Variants in WDPCP observed in about 807,000 individuals in gnomAD.
WDPCP encodes WD repeat-containing and planar cell polarity effector protein fritz homolog.
In WDPCP, 71 loss-of-function variants were observed where a neutral mutation model predicts 93.1. That is an observed-to-expected ratio of 0.76 (90% CI 0.63 to 0.93). The LOEUF is 0.93. WDPCP is among the 40% of genes least tolerant of loss of function. The pLI is 0.00. For missense variants in WDPCP, 844 were observed against 887.4 expected (o/e 0.95, Z 0.62); for synonymous variants, 315 against 315.0 (o/e 1.00, Z 0.00).
At chr2:63,661,488 G>T (rs1474215587) in intron 2 of WDPCP, among the ~76,000 whole-genome samples, 1 of 151,964 alleles carries the variant, frequency 6.6e-6, no homozygotes, top group African/African-American at 2.4e-5. Context: ...TACAATGCAT[G>T]GCAAAAAGTG....
At position 63,381,907 on chromosome 2, in the gene WDPCP, T is replaced by C; in HGVS notation, c.1623A>G (p.Glu541=). The C allele has an allele frequency of 6.2e-7, 1 of 1,613,196 alleles. No homozygotes were observed. Among genetic ancestry groups the C allele is most frequent in the Non-Finnish European group, 8.5e-7 (1 of 1,179,486 alleles). ...LLRQKLTPER[E]AQLETSLGTF... ...AATGAAAAATATTTCAAGTCTGACC[T>C]TCTCTCTCTGGAGTGAGCTTCTGTC... Residue 541 remains glutamate (E), a splice_region_variant and synonymous_variant, in exon 11 of 18, where the codon GAA becomes GAG. Transcript: ENST00000272321.
At chr2:63,547,805 G>A (rs1055630256) in intron 1 of WDPCP, among the ~76,000 whole-genome samples, 1 of 151,802 alleles carries the variant, frequency 6.6e-6, no homozygotes, top group Non-Finnish European at 1.5e-5. Context: ...GGTACCAGAG[G>A]CTGGGAAGGT....
chr2:63,562,275 A>C (rs1706684468), intron 1 of WDPCP, among the ~76,000 whole-genome samples: 2 of 152,184 alleles, frequency 1.3e-5, no homozygotes, highest in Admixed American at 1.3e-4. Context: ...AGGAACAGAA[A>C]ACCAAACACC....
At chr2:63,622,397 T>A in intron 3 of WDPCP, 1 of 1,613,586 alleles carries the variant, frequency 6.2e-7, no homozygotes, top group Non-Finnish European at 8.5e-7. Flanking sequence ...CAAGACCAAA[T>A]TCCTGGACAG....
intron 15 of WDPCP, among the ~76,000 whole-genome samples, chr2:63,163,910 CAAAT>C: frequency 6.6e-6 from 1 of 152,212 alleles, no homozygotes; most frequent in South Asian, 2.1e-4. Context: ...AGACATGAAT[CAAAT>C]AAAATCACGC....
At chr2:63,409,422 G>A (rs187257870) in intron 9 of WDPCP, among the ~76,000 whole-genome samples, 87 of 152,266 alleles carry the variant, frequency 5.7e-4, no homozygotes, top group Non-Finnish European at 1.0e-3. Flanking sequence ...TAGACCTTCC[G>A]TCTGACGGAG....
At chr2:63,419,816 C>G (rs1695710614) in intron 9 of WDPCP, among the ~76,000 whole-genome samples, 1 of 152,104 alleles carries the variant, frequency 6.6e-6, no homozygotes, top group South Asian at 2.1e-4. Context: ...AAAGAGTGGC[C>G]TTTTCTGGAA....
chr2:63,512,858 TCTGCACATGTATCCCAGAA>T (rs1280635964), intron 1 of WDPCP, among the ~76,000 whole-genome samples: 1 of 151,906 alleles, frequency 6.6e-6, no homozygotes, highest in Non-Finnish European at 1.5e-5. Flanking sequence ...AACCGCACGT[TCTGCACATGTATCCCAGAA>T]CTTAAAGTAT....
chr2:63,314,246 C>T (rs1559312618), intron 12 of WDPCP, among the ~76,000 whole-genome samples: 1 of 151,664 alleles, frequency 6.6e-6, no homozygotes, highest in Non-Finnish European at 1.5e-5. Context: ...GTGCAATCAT[C>T]GCCTTGACCT....
At chr2:63,140,352 G>T (rs1398530368) in intron 17 of WDPCP, among the ~76,000 whole-genome samples, 1 of 152,138 alleles carries the variant, frequency 6.6e-6, no homozygotes, top group African/African-American at 2.4e-5. Flanking sequence ...TGTGAAGAAT[G>T]ATGGTGGTAT....
At chr2:63,319,942 G>A (rs745595400) in intron 12 of WDPCP, among the ~76,000 whole-genome samples, 4 of 152,052 alleles carry the variant, frequency 2.6e-5, no homozygotes, top group Non-Finnish European at 5.9e-5. Context: ...AGCAATATAT[G>A]CACATGTACT....
intron 1 of WDPCP, among the ~76,000 whole-genome samples, chr2:63,568,994 G>T (rs1707282567): frequency 6.6e-6 from 1 of 152,248 alleles, no homozygotes; most frequent in Non-Finnish European, 1.5e-5. Context: ...ATTAAATGGG[G>T]AGGAAAGTCT....
upstream of WDPCP, chr2:63,589,340 A>G (rs1211545335): frequency 6.4e-7 from 1 of 1,550,542 alleles, no homozygotes; most frequent in African/African-American, 1.4e-5. Flanking sequence ...GCGACGCTGC[A>G]GCTATTTTCC....
intron 1 of WDPCP, among the ~76,000 whole-genome samples, chr2:63,525,425 G>C (rs544784604): frequency 6.6e-6 from 1 of 152,140 alleles, no homozygotes; most frequent in Non-Finnish European, 1.5e-5. Context: ...AAACTAAAAA[G>C]AATAAAAAGT....
At chr2:63,278,932 A>C (rs761027761) in intron 13 of WDPCP, among the ~76,000 whole-genome samples, 5 of 152,240 alleles carry the variant, frequency 3.3e-5, no homozygotes, top group Non-Finnish European at 5.9e-5. Context: ...CTCCTAGATT[A>C]AACCAGGGAG....
chr2:63,825,822 C>A (rs1331941748), intron 1 of WDPCP, among the ~76,000 whole-genome samples: 3 of 152,024 alleles, frequency 2.0e-5, no homozygotes. Flanking sequence ...AGGCACATGG[C>A]TACAACTAAC....
At chr2:63,139,463 C>G (rs186042065) in intron 17 of WDPCP, among the ~76,000 whole-genome samples, 2 of 152,280 alleles carry the variant, frequency 1.3e-5, no homozygotes, top group African/African-American at 4.8e-5. Context: ...GTTCCCTGTT[C>G]ACCACATCCA....
intron 1 of WDPCP, among the ~76,000 whole-genome samples, chr2:63,545,321 GTA>G (rs1347946621): frequency 6.6e-6 from 1 of 150,774 alleles, no homozygotes. Context: ...GTATGTGTGT[GTA>G]TGTGTGTGTG....
chr2:63,734,707 G>A (rs1669613477), intron 2 of WDPCP, among the ~76,000 whole-genome samples: 1 of 152,054 alleles, frequency 6.6e-6, no homozygotes, highest in Non-Finnish European at 1.5e-5. Flanking sequence ...AGCTGACCAT[G>A]GCAAAATGCA....
Sources: allele counts gnomAD v4.1 joint callset (sites outside exome capture counted in the v4.1 genomes callset), GRCh38; gene constraint gnomAD v4.1.1; transcripts MANE v1.5; gene names NCBI Gene and HGNC (gene_info 2026-07-23, HGNC 2026-07-21).